MGAT4A: variants seen among roughly 807,000 people sequenced by gnomAD.
MGAT4A encodes alpha-1,3-mannosyl-glycoprotein 4-beta-N-acetylglucosaminyltransferase A.
In MGAT4A, 33 loss-of-function variants were observed where a neutral mutation model predicts 74.1. That is an observed-to-expected ratio of 0.45 (90% CI 0.34 to 0.60). The LOEUF (loss-of-function observed/expected upper bound fraction) is 0.60, where lower values mean the gene tolerates loss of function less well. MGAT4A is among the 20% of genes least tolerant of loss of function. The pLI is 0.02. For synonymous variants in MGAT4A, 198 were observed against 210.4 expected (o/e 0.94, Z 0.51); for missense variants, 479 against 628.3 (o/e 0.76, Z 2.54).
At chr2:98,652,552 C>T (rs971069577) in intron 8 of MGAT4A, among the ~76,000 whole-genome samples, 17 of 152,090 alleles carry the variant, frequency 1.1e-4, no homozygotes, top group African/African-American at 3.1e-4. Flanking sequence ...AGGATGGTCT[C>T]GATCTCCTGA....
intron 5 of MGAT4A, among the ~76,000 whole-genome samples, chr2:98,660,442 ACACACACACACACAC>A (rs1701731027): frequency 6.7e-6 from 1 of 149,476 alleles, no homozygotes; most frequent in South Asian, 2.1e-4. Flanking sequence ...ACACACACAC[ACACACACACACACAC>A]AACAAATAGC....
intron 2 of MGAT4A, among the ~76,000 whole-genome samples, chr2:98,709,775 G>C (rs1426160189): frequency 2.0e-5 from 3 of 152,184 alleles, no homozygotes; most frequent in Non-Finnish European, 2.9e-5. Flanking sequence ...ACAAACAAAG[G>C]GGTAAATTCA....
rs143576109 is a variant in MGAT4A, at chr2:98,675,551, C to CT, written c.263-377dup. ...ATTAACCATCAATCACTTCCATTTT[C>CT]TTTTTTTTTTTTTGTGACAGGGTCT... On this transcript the variant is annotated intron_variant, in intron 3 of 15. Coordinates refer to ENST00000393487, the MANE Select transcript of MGAT4A (RefSeq NM_012214.3). Among the ~76,000 whole-genome samples the CT allele has an allele frequency of 3.7e-3, 533 of 144,110 alleles. 3 individuals carry two copies. The highest frequency in any genetic ancestry group is 4.3e-3 in the Non-Finnish European group (280 of 65,778). 94.5% of individuals were successfully genotyped at this position (144,110 alleles called of 152,430 possible). A position where few individuals can be genotyped will look rare whatever the true frequency, so the allele number is the denominator to read the frequency against.
intron 4 of MGAT4A, among the ~76,000 whole-genome samples, chr2:98,673,117 C>T (rs1054309261): frequency 5.9e-5 from 9 of 152,060 alleles, no homozygotes; most frequent in South Asian, 4.2e-4. Context: ...GGTGGTGCGC[C>T]GACAGTTTTC....
At chr2:98,660,862 G>A (rs1483928094) in intron 5 of MGAT4A, among the ~76,000 whole-genome samples, 10 of 152,144 alleles carry the variant, frequency 6.6e-5, no homozygotes, top group Admixed American at 5.2e-4. Flanking sequence ...CCTGGGCAAT[G>A]GTTTTTTGGA....
intron 6 of MGAT4A, among the ~76,000 whole-genome samples, chr2:98,657,966 T>C (rs1701683020): frequency 6.6e-6 from 1 of 152,216 alleles, no homozygotes; most frequent in African/African-American, 2.4e-5. Flanking sequence ...TTAAAGACTG[T>C]TATTTAATAG....
intron 1 of MGAT4A, among the ~76,000 whole-genome samples, chr2:98,729,739 A>C (rs1702817811): frequency 6.6e-6 from 1 of 152,224 alleles, no homozygotes; most frequent in Non-Finnish European, 1.5e-5. Context: ...GGCTGAGAAC[A>C]CTTTGCCGAA....
chr2:98,716,305 C>T (rs908604391), intron 2 of MGAT4A, among the ~76,000 whole-genome samples: 2 of 152,132 alleles, frequency 1.3e-5, no homozygotes, highest in Admixed American at 1.3e-4. Flanking sequence ...GCCTGTGTGA[C>T]AGAGTGAGAC....
intron 2 of MGAT4A, among the ~76,000 whole-genome samples, chr2:98,722,280 T>C (rs1442911845): frequency 6.6e-6 from 1 of 152,196 alleles, no homozygotes; most frequent in Non-Finnish European, 1.5e-5. Context: ...GGATAAACAG[T>C]GTGGTACATC....
chr2:98,639,750 C>T, intron 12 of MGAT4A, 58 bp downstream of exon 12: 1 of 1,452,694 alleles, frequency 6.9e-7, no homozygotes, highest in Non-Finnish European at 9.4e-7. Context: ...TATTATAAAT[C>T]ACATTACGAA....
chr2:98,717,578 C>A (rs1702609915), intron 2 of MGAT4A, among the ~76,000 whole-genome samples: 2 of 152,062 alleles, frequency 1.3e-5, no homozygotes. Context: ...GAAAATTATA[C>A]TACTCTGATT....
At chr2:98,696,325 T>C (rs1702274929) in intron 2 of MGAT4A, among the ~76,000 whole-genome samples, 2 of 152,260 alleles carry the variant, frequency 1.3e-5, no homozygotes, top group Admixed American at 1.3e-4. Flanking sequence ...ATCTCTGGGC[T>C]GGAGGCCATA....
At chr2:98,649,316 A>G (rs1434807702) in intron 8 of MGAT4A, among the ~76,000 whole-genome samples, 2 of 152,142 alleles carry the variant, frequency 1.3e-5, no homozygotes, top group African/African-American at 2.4e-5. Context: ...CAGGAAACCC[A>G]GACACACAAG....
In MGAT4A at chr2:98,640,308, A is replaced by G. The variant is rs1177226422; in HGVS notation, c.1021-80T>C. 2.5e-6 allele frequency: 3 copies of G among 1,191,100 alleles called. No homozygotes were observed. In the Admixed American group the frequency reaches 6.6e-5, roughly 26 times the overall value. The allele number at this position is 1,191,100 out of a possible 1,614,324, so 73.8% of individuals were successfully genotyped here. A position where few individuals can be genotyped will look rare whatever the true frequency, so the allele number is the denominator to read the frequency against. On this transcript the variant is annotated intron_variant, in intron 10 of 15. Transcript: ENST00000393487. ...TCACCTGGAAAATGAGAAGTCCTTT[A>G]TTAAAATATTGAAAAGAAGGGCTGG...
chr2:98,646,635 A>G (rs962340241), intron 8 of MGAT4A, among the ~76,000 whole-genome samples: 2 of 152,214 alleles, frequency 1.3e-5, no homozygotes, highest in African/African-American at 4.8e-5. Context: ...TGAGCCCCCA[A>G]AAAGATTGCT....
chr2:98,652,914 T>A (rs774273730), intron 8 of MGAT4A, among the ~76,000 whole-genome samples: 3 of 152,164 alleles, frequency 2.0e-5, no homozygotes, highest in Admixed American at 1.3e-4. Context: ...TGTGAGCCAG[T>A]GCCGCCCACC....
intron 5 of MGAT4A, 111 bp downstream of exon 5, chr2:98,662,935 C>T (rs1559162686): frequency 2.5e-6 from 2 of 794,546 alleles, no homozygotes; most frequent in Non-Finnish European, 3.8e-6. Flanking sequence ...CTAAGCTTTA[C>T]TCATCACATT....
intron 2 of MGAT4A, among the ~76,000 whole-genome samples, chr2:98,708,454 T>C (rs753646468): frequency 1.3e-4 from 20 of 152,306 alleles, no homozygotes; most frequent in Middle Eastern, 3.4e-3. Context: ...AAGTCTAACA[T>C]TATGTGTAAT....
intron 13 of MGAT4A, among the ~76,000 whole-genome samples, chr2:98,635,654 T>C (rs1701307690): frequency 2.0e-5 from 3 of 152,152 alleles, no homozygotes; most frequent in East Asian, 1.9e-4. Flanking sequence ...TAAAAACACA[T>C]AGAATTTGGA....
Sources: allele counts gnomAD v4.1 joint callset (sites outside exome capture counted in the v4.1 genomes callset), GRCh38; gene constraint gnomAD v4.1.1; transcripts MANE v1.5; gene names NCBI Gene and HGNC (gene_info 2026-07-23, HGNC 2026-07-21).